The following CERK variants were observed in gnomAD, a reference collection of about 807,000 sequenced individuals.
CERK encodes the protein ceramide kinase.
CERK carries 39 observed loss-of-function variants against 63.4 expected under a neutral mutation model. The ratio of observed to expected loss-of-function variants is 0.61; its 90% CI spans 0.48 to 0.80. The LOEUF (loss-of-function observed/expected upper bound fraction) is 0.80, where lower values mean the gene tolerates loss of function less well. CERK is among the 30% of genes least tolerant of loss of function. The pLI, the probability that CERK is intolerant of heterozygous loss-of-function variation, is 0.00. For missense variants in CERK, 670 were observed against 714.1 expected (o/e 0.94, Z 0.70); for synonymous variants, 302 against 280.0 (o/e 1.08, Z -0.78).
At chr22:46,724,749 G>T (rs1238750680) in intron 1 of CERK, among the ~76,000 whole-genome samples, 1 of 152,144 alleles carries the variant, frequency 6.6e-6, no homozygotes, top group Non-Finnish European at 1.5e-5. Flanking sequence ...GCAGGGCGGG[G>T]TGGCTCACAC....
intron 5 of CERK, 112 bp downstream of exon 5, chr22:46,710,974 C>T (rs943174838): frequency 1.4e-5 from 11 of 778,170 alleles, no homozygotes; most frequent in East Asian, 1.3e-4. Flanking sequence ...TACAATTGGT[C>T]GTGGGTGGAG....
At chr22:46,715,277 G>C (rs1036293038) in intron 3 of CERK, among the ~76,000 whole-genome samples, 7 of 152,114 alleles carry the variant, frequency 4.6e-5, no homozygotes, top group Non-Finnish European at 7.4e-5. Context: ...ATAAAAGAGA[G>C]AAGAATTAAA....
intron 1 of CERK, among the ~76,000 whole-genome samples, chr22:46,734,901 G>A (rs976895628): frequency 5.9e-5 from 9 of 152,138 alleles, no homozygotes; most frequent in Admixed American, 1.3e-4. Context: ...TCTGTGGCAT[G>A]CCTATGTTTT....
chr22:46,720,728 A>G (rs994538641), intron 2 of CERK, among the ~76,000 whole-genome samples, 174 bp downstream of exon 2: 6 of 152,144 alleles, frequency 3.9e-5, no homozygotes, highest in African/African-American at 1.4e-4. Flanking sequence ...AAGGGGAAAA[A>G]TGACCATTAA....
chr22:46,723,764 C>T (rs1465764801), intron 1 of CERK, among the ~76,000 whole-genome samples: 1 of 151,066 alleles, frequency 6.6e-6, no homozygotes, highest in Non-Finnish European at 1.5e-5. Flanking sequence ...GTGGTGTGAT[C>T]TTGGCTCGCT....
chr22:46,709,696 A>C (rs1300091020), intron 5 of CERK, among the ~76,000 whole-genome samples: 1 of 152,248 alleles, frequency 6.6e-6, no homozygotes, highest in African/African-American at 2.4e-5. Flanking sequence ...AGAGAAGAAA[A>C]CAAAAAGCCA....
chr22:46,734,063 C>CATATATATATATATATAT (rs1429583176), intron 1 of CERK, among the ~76,000 whole-genome samples: 9 of 100,834 alleles, frequency 8.9e-5, no homozygotes, highest in African/African-American at 3.0e-4. Flanking sequence ...TATATACATA[C>CATATATATATATATATAT]ATACATATAT....
intron 1 of CERK, among the ~76,000 whole-genome samples, chr22:46,725,377 G>A (rs577670862): frequency 5.3e-5 from 8 of 152,272 alleles, no homozygotes; most frequent in Admixed American, 2.0e-4. Flanking sequence ...ACGGCAGTGG[G>A]ACCACCGAGG....
intron 1 of CERK, among the ~76,000 whole-genome samples, chr22:46,728,699 C>A (rs898125171): frequency 6.6e-6 from 1 of 152,236 alleles, no homozygotes; most frequent in Non-Finnish European, 1.5e-5. Flanking sequence ...GGCAGTGAAC[C>A]GGGGACACCA....
rs139838967 is a variant in CERK at position 46,721,016 on chromosome 22, C to T, written c.143-1G>A. 6.5e-5 allele frequency: 104 copies of T among 1,592,956 alleles called. No homozygotes were observed. The highest frequency in any genetic ancestry group is 8.4e-5 in the Non-Finnish European group (98 of 1,161,044). ...TCAGATACAGGCACAGAGCAGGCAT[C>T]TGTAAAAACACCACGTCCTTCTGTC... On this transcript the variant is annotated splice_acceptor_variant, in intron 1 of 12. Transcript: ENST00000216264. LOFTEE classifies it high-confidence loss of function.
chr22:46,703,692 A>G (rs2082798940), intron 6 of CERK, among the ~76,000 whole-genome samples: 1 of 152,056 alleles, frequency 6.6e-6, no homozygotes, highest in Non-Finnish European at 1.5e-5. Context: ...CTTACCGTCC[A>G]AGCCACCAGC....
rs576788037 is a variant in CERK, at chr22:46,686,632, G to A, written c.*502C>T. ...TGCACAGTATTGTAAGGATCAAGCAGCGATGTCCTAACCGTAAACGAAGAG... is the reference window on the plus strand; with the variant it reads ...TGCACAGTATTGTAAGGATCAAGCAACGATGTCCTAACCGTAAACGAAGAG... On this transcript the variant is annotated 3_prime_UTR_variant, in exon 13 of 13. Coordinates refer to ENST00000216264, the MANE Select transcript of CERK (RefSeq NM_022766.6). The A allele has an allele frequency of 5.9e-6, 1 of 169,322 alleles. No individual in the cohort carries two copies. The highest frequency in any genetic ancestry group is 2.4e-5 in the African/African-American group (1 of 41,872). 10.5% of individuals were successfully genotyped at this position (169,322 alleles called of 1,614,324 possible). A position where few individuals can be genotyped will look rare whatever the true frequency, so the allele number is the denominator to read the frequency against.
At chr22:46,698,521 A>T (rs2082767488) in intron 8 of CERK, among the ~76,000 whole-genome samples, 1 of 152,264 alleles carries the variant, frequency 6.6e-6, no homozygotes. Context: ...AAGAGCTTCC[A>T]CACAGATATC....
chr22:46,712,663 G>C (rs2082847331), intron 3 of CERK, among the ~76,000 whole-genome samples: 1 of 152,126 alleles, frequency 6.6e-6, no homozygotes, highest in African/African-American at 2.4e-5. Flanking sequence ...CAGGAAGAAG[G>C]AAGCAGACAG....
At chr22:46,692,819 C>T (rs571716295) in intron 10 of CERK, among the ~76,000 whole-genome samples, 8 of 146,670 alleles carry the variant, frequency 5.5e-5, no homozygotes, top group African/African-American at 1.8e-4. Context: ...GGAGGAGAAT[C>T]GCTTGAACTC....
At chr22:46,734,376 G>T (rs931044574) in intron 1 of CERK, among the ~76,000 whole-genome samples, 7 of 152,172 alleles carry the variant, frequency 4.6e-5, no homozygotes, top group Admixed American at 3.9e-4. Context: ...CCATTTACAT[G>T]AGATAAAGCA....
At chr22:46,712,018 CTGAGGT>C in intron 4 of CERK, 144 bp downstream of exon 4, 1 of 745,836 alleles carries the variant, frequency 1.3e-6, no homozygotes, top group African/African-American at 1.8e-5. Context: ...GTCAAGGAGG[CTGAGGT>C]TACAGTGACC....
chr22:46,699,302 T>C lies in CERK; in HGVS notation c.943+11A>G. 6.2e-7 allele frequency: 1 copy of C among 1,613,976 alleles called. No homozygotes were observed. The highest frequency in any genetic ancestry group is 8.5e-7 in the Non-Finnish European group (1 of 1,179,852). ...ACCAGCGGGGAGCGAGTCTGCATTA[T>C]TCTGAGTTACCTGAAAAGTCGTATC... On this transcript the variant is annotated intron_variant, in intron 8 of 12. Coordinates refer to ENST00000216264, the MANE Select transcript of CERK (RefSeq NM_022766.6).
chr22:46,734,019 G>A (rs1018023656), intron 1 of CERK, among the ~76,000 whole-genome samples: 5 of 151,740 alleles, frequency 3.3e-5, no homozygotes, highest in Non-Finnish European at 7.4e-5. Flanking sequence ...CTGGGAAACA[G>A]AGGAAGACTC....
Sources: gnomAD v4.1 joint callset for allele counts (sites outside exome capture counted in the v4.1 genomes callset) on GRCh38, gnomAD v4.1.1 for gene constraint, MANE v1.5 for transcripts, NCBI Gene and HGNC (gene_info 2026-07-23, HGNC 2026-07-21) for gene names.